KCNIP1: variants seen among roughly 807,000 people sequenced by gnomAD.
KCNIP1 encodes A-type potassium channel modulatory protein KCNIP1.
A neutral mutation model predicts 33.0 loss-of-function variants in KCNIP1; 18 were observed. The ratio of observed to expected loss-of-function variants is 0.55; its 90% confidence interval spans 0.38 to 0.81. The LOEUF (loss-of-function observed/expected upper bound fraction) is 0.81, where lower values mean the gene tolerates loss of function less well. KCNIP1 is among the 30% of genes least tolerant of loss of function. The probability of loss-of-function intolerance (pLI) is 0.00; values close to 1 mark genes in which losing one functional copy is unlikely to be tolerated. For synonymous variants in KCNIP1, 93 were observed against 98.3 expected (o/e 0.95, Z 0.32); for missense variants, 238 against 271.6 (o/e 0.88, Z 0.87).
intron 1 of KCNIP1, among the ~76,000 whole-genome samples, chr5:170,718,105 A>T (rs748975278): frequency 6.6e-6 from 1 of 152,254 alleles, no homozygotes; most frequent in Admixed American, 6.5e-5. Context: ...TAAGGGAGAC[A>T]TACTTAAACT....
chr5:170,378,722 G>A, intron 1 of KCNIP1: 5 of 1,612,526 alleles, frequency 3.1e-6, no homozygotes, highest in Non-Finnish European at 4.2e-6. Flanking sequence ...GGGCCGCCAG[G>A]ATGGACAGGT....
At chr5:170,597,491 C>T (rs1251402206) in intron 1 of KCNIP1, among the ~76,000 whole-genome samples, 1 of 152,094 alleles carries the variant, frequency 6.6e-6, no homozygotes, top group South Asian at 2.1e-4. Flanking sequence ...CACACACATA[C>T]CACCTCTGGC....
intron 1 of KCNIP1, among the ~76,000 whole-genome samples, chr5:170,371,749 A>G (rs1317952559): frequency 7.2e-5 from 11 of 152,236 alleles, no homozygotes; most frequent in Admixed American, 7.2e-4. Flanking sequence ...CTTGCACAGC[A>G]AGTGATCAGC....
In KCNIP1 at chr5:170,478,893, T is replaced by A. The variant is rs184139599; in HGVS notation, c.88+124929T>A. On this transcript the variant is annotated intron_variant, in intron 1 of 7. Transcript: ENST00000377360. The stretch of plus-strand genomic sequence containing the variant: ...GTTTCATGCATGACTCTCAATGTGG[T>A]TAATGAAAAGGAAGATAAAAAAAAA... Among the ~76,000 whole-genome samples, 11 of 150,470 alleles carry A rather than the reference T, an allele frequency of 7.3e-5. 1 individual carries two copies. The highest frequency in any genetic ancestry group is 7.3e-4 in the Admixed American group (11 of 15,124).
intron 1 of KCNIP1, among the ~76,000 whole-genome samples, chr5:170,357,720 G>A (rs1763385898): frequency 6.6e-6 from 1 of 152,136 alleles, no homozygotes; most frequent in Non-Finnish European, 1.5e-5. Flanking sequence ...TAGAGACAGG[G>A]TCTCACTATG....
chr5:170,516,043 T>C (rs968551949), intron 1 of KCNIP1, among the ~76,000 whole-genome samples: 4 of 152,146 alleles, frequency 2.6e-5, no homozygotes, highest in Non-Finnish European at 5.9e-5. Flanking sequence ...TGCTTGTGAC[T>C]TGGAGGATGT....
At chr5:170,648,059 T>C (rs1471473955) in intron 1 of KCNIP1, among the ~76,000 whole-genome samples, 2 of 152,124 alleles carry the variant, frequency 1.3e-5, no homozygotes, top group Non-Finnish European at 2.9e-5. Flanking sequence ...GAATTGCTAA[T>C]TAAAACAATG....
chr5:170,567,312 A>T (rs1757238082), intron 1 of KCNIP1, among the ~76,000 whole-genome samples: 2 of 152,220 alleles, frequency 1.3e-5, no homozygotes, highest in Non-Finnish European at 2.9e-5. Flanking sequence ...CCAAAATGCC[A>T]TAGTGTCGCT....
At chr5:170,674,051 A>G (rs1398967355) in intron 1 of KCNIP1, among the ~76,000 whole-genome samples, 1 of 151,698 alleles carries the variant, frequency 6.6e-6, no homozygotes, top group African/African-American at 2.4e-5. Context: ...CAGATATTTC[A>G]TTGTGATGGG....
chr5:170,541,651 C>A (rs147794118), intron 1 of KCNIP1, among the ~76,000 whole-genome samples: 11 of 152,238 alleles, frequency 7.2e-5, no homozygotes, highest in Non-Finnish European at 1.5e-4. Flanking sequence ...ACCCATGACC[C>A]ACCCACCCAC....
chr5:170,642,638 G>C (rs1760615311), intron 1 of KCNIP1, among the ~76,000 whole-genome samples: 1 of 152,210 alleles, frequency 6.6e-6, no homozygotes, highest in Non-Finnish European at 1.5e-5. Context: ...AATCTGGAAG[G>C]AGATTCACTT....
intron 1 of KCNIP1, among the ~76,000 whole-genome samples, chr5:170,584,907 C>A (rs1757932249): frequency 1.3e-5 from 2 of 152,168 alleles, no homozygotes; most frequent in African/African-American, 4.8e-5. Context: ...CAGAGCAGGC[C>A]TGGTGGCTTC....
In KCNIP1 at chr5:170,717,007, G is replaced by A. The variant is rs369101758; in HGVS notation, c.62-1751G>A. On this transcript the variant is annotated intron_variant, in intron 1 of 7. Coordinates refer to ENST00000328939, the MANE Select transcript of KCNIP1 (RefSeq NM_014592.4). The stretch of plus-strand genomic sequence containing the variant: ...TTTCTTCACTCAAGCCACCTGGGCC[G>A]TACCCAGGGAATTCCTAAGGGGCAA... Among the ~76,000 whole-genome samples the A allele has an allele frequency of 9.2e-5, 14 of 152,250 alleles. No homozygotes were observed. The East Asian group carries it at 1.9e-3, about 21-fold the overall frequency.
At chr5:170,498,079 C>T (rs1757344939) in intron 1 of KCNIP1, among the ~76,000 whole-genome samples, 1 of 152,242 alleles carries the variant, frequency 6.6e-6, no homozygotes. Context: ...GGGAGAGCTG[C>T]CTCCCAAACC....
rs1372717525 is a variant in KCNIP1, at chr5:170,723,177, A to T, written c.435+357A>T. 2.0e-5 allele frequency among the ~76,000 whole-genome samples: 3 copies of T among 152,208 alleles called. No individual in the cohort carries two copies. The East Asian group carries it at 5.8e-4, about 29-fold the overall frequency. ...TCAAAGCTAAAAGTTGAAATGGTGG[A>T]ATTGTAGGCAGCACCTAGAATAGAA... is the stretch of plus-strand genomic sequence containing the variant. On this transcript the variant is annotated intron_variant, in intron 5 of 7. Transcript: ENST00000328939.
At chr5:170,539,706 T>C (rs1361350570) in intron 1 of KCNIP1, among the ~76,000 whole-genome samples, 1 of 152,166 alleles carries the variant, frequency 6.6e-6, no homozygotes, top group African/African-American at 2.4e-5. Context: ...CTGGCCTGCC[T>C]GTTCACCATT....
At chr5:170,417,167 G>GTAAACA (rs1255658721) in intron 1 of KCNIP1, among the ~76,000 whole-genome samples, 1 of 152,168 alleles carries the variant, frequency 6.6e-6, no homozygotes, top group Non-Finnish European at 1.5e-5. Context: ...CTGTTTGTAT[G>GTAAACA]TACCAACATA....
chr5:170,542,506 GAC>G (rs1756251202), intron 1 of KCNIP1, among the ~76,000 whole-genome samples: 2 of 152,110 alleles, frequency 1.3e-5, no homozygotes, highest in Admixed American at 1.3e-4. Context: ...AAGAAAATAG[GAC>G]ACACATACTA....
chr5:170,601,310 G>A (rs1401111355), intron 1 of KCNIP1, among the ~76,000 whole-genome samples: 1 of 152,220 alleles, frequency 6.6e-6, no homozygotes, highest in Non-Finnish European at 1.5e-5. Context: ...AATTATGGGA[G>A]CAATGGATCG....
Sources: gnomAD v4.1 joint callset for allele counts (sites outside exome capture counted in the v4.1 genomes callset) on GRCh38, gnomAD v4.1.1 for gene constraint, MANE v1.5 for transcripts, NCBI Gene and HGNC (gene_info 2026-07-23, HGNC 2026-07-21) for gene names.